The following SPON1 variants were observed in gnomAD, a reference collection of about 807,000 sequenced individuals.
The protein encoded by SPON1 is spondin 1.
SPON1 carries 52 observed loss-of-function variants against 111.7 expected under a neutral mutation model. The ratio of observed to expected loss-of-function variants is 0.47; its 90% CI spans 0.37 to 0.59. The LOEUF (loss-of-function observed/expected upper bound fraction) is 0.59. Ranked by LOEUF, SPON1 falls within the 20% of genes least tolerant of loss-of-function variation. The probability of loss-of-function intolerance (pLI) is 0.00; values close to 1 mark genes in which losing one functional copy is unlikely to be tolerated. For missense variants in SPON1, 957 were observed against 1,068.5 expected (o/e 0.90, Z 1.46); for synonymous variants, 410 against 395.8 (o/e 1.04, Z -0.43).
chr11:14,259,510 C>T lies in SPON1; in HGVS notation c.1664-24C>T. Reference sequence around the variant, plus strand: ...TAGGTCGGGGAGGCAGCAGGTGCGACTCCAATGCCGCTGGCCTCCCCAGCT... The same window carrying T: ...TAGGTCGGGGAGGCAGCAGGTGCGATTCCAATGCCGCTGGCCTCCCCAGCT... On this transcript the variant is annotated intron_variant, in intron 12 of 15. Transcript: ENST00000576479. This position sits in a 1 kb window ranked among gnomAD's most constrained non-coding sequence, Gnocchi z 5.0. 1.9e-6 allele frequency: 3 copies of T among 1,563,530 alleles called. No individual in the cohort carries two copies. Among genetic ancestry groups the T allele is most frequent in the Non-Finnish European group, 2.6e-6 (3 of 1,154,382 alleles).
At chr11:14,187,576 A>G (rs1255740623) in intron 6 of SPON1, among the ~76,000 whole-genome samples, 1 of 152,160 alleles carries the variant, frequency 6.6e-6, no homozygotes, top group Non-Finnish European at 1.5e-5. Context: ...TTCTCAGTGC[A>G]GCAGTTAGTT....
At chr11:14,198,650 T>C (rs981050878) in intron 6 of SPON1, among the ~76,000 whole-genome samples, 2 of 152,210 alleles carry the variant, frequency 1.3e-5, no homozygotes, top group East Asian at 1.9e-4. Flanking sequence ...ACAATCCCAC[T>C]CATTCAGGGC....
chr11:14,006,960 G>C (rs897428019), intron 2 of SPON1, among the ~76,000 whole-genome samples: 2 of 151,896 alleles, frequency 1.3e-5, no homozygotes, highest in Non-Finnish European at 2.9e-5. Context: ...CATCTCACTG[G>C]GCCAAAATTA....
chr11:14,242,041 C>T (rs181133150), intron 6 of SPON1, among the ~76,000 whole-genome samples: 51 of 152,200 alleles, frequency 3.4e-4, no homozygotes, highest in Admixed American at 2.5e-3. Flanking sequence ...GCCCAGACCA[C>T]GCTGGGTCTG....
At chr11:14,011,828 G>T (rs1848407399) in intron 2 of SPON1, among the ~76,000 whole-genome samples, 1 of 152,152 alleles carries the variant, frequency 6.6e-6, no homozygotes, top group South Asian at 2.1e-4. Flanking sequence ...GAACCCTAAA[G>T]AACAAGAAAG....
At chr11:14,060,612 T>A (rs1173620385) in intron 3 of SPON1, among the ~76,000 whole-genome samples, 1 of 152,228 alleles carries the variant, frequency 6.6e-6, no homozygotes, top group African/African-American at 2.4e-5. Flanking sequence ...AAAACTTACC[T>A]GTCCTTTGGC....
At chr11:14,052,682 G>A (rs1848716815) in intron 3 of SPON1, among the ~76,000 whole-genome samples, 1 of 152,190 alleles carries the variant, frequency 6.6e-6, no homozygotes, top group South Asian at 2.1e-4. Context: ...CCATCCAACA[G>A]GTGGAATCCA....
At chr11:14,057,577 C>T (rs187315669) in intron 3 of SPON1, among the ~76,000 whole-genome samples, 14 of 152,074 alleles carry the variant, frequency 9.2e-5, no homozygotes, top group Admixed American at 3.3e-4. Context: ...GCAAGAATTA[C>T]ACAAAAAAAG....
rs1848785753 is a variant in SPON1 at position 14,230,414 on chromosome 11, TTGG to T, written c.826-12915_826-12913del. 2.6e-5 allele frequency among the ~76,000 whole-genome samples: 4 copies of T among 152,324 alleles called. 1 individual carries two copies. In the South Asian group the frequency reaches 6.2e-4, roughly 24 times the overall value. On this transcript the variant is annotated intron_variant, in intron 6 of 15. Transcript: ENST00000576479. ...AAAGAAAGAGAAGGAGAAGGAGATATTGGTGTGTGGATGAATTCTCATTTCTTT... is the reference window on the plus strand; with the variant it reads ...AAAGAAAGAGAAGGAGAAGGAGATATTGTGTGGATGAATTCTCATTTCTTT...
At chr11:14,258,643 G>A (rs1204050244) in intron 11 of SPON1, among the ~76,000 whole-genome samples, 2 of 152,240 alleles carry the variant, frequency 1.3e-5, no homozygotes, top group Non-Finnish European at 2.9e-5. Flanking sequence ...AAGAAAGCAA[G>A]CTTATCCCAT....
chr11:13,969,791 G>T (rs947787497), intron 1 of SPON1, among the ~76,000 whole-genome samples: 2 of 152,208 alleles, frequency 1.3e-5, no homozygotes, highest in African/African-American at 4.8e-5. Flanking sequence ...TCCTGTAAGT[G>T]AGGAATAGAA....
At chr11:14,209,267 AT>A (rs1242544075) in intron 6 of SPON1, among the ~76,000 whole-genome samples, 3 of 152,032 alleles carry the variant, frequency 2.0e-5, no homozygotes, top group Non-Finnish European at 4.4e-5. Context: ...AAGAAAAATA[AT>A]TTTTTTATTA....
At chr11:14,119,802 A>G (rs1303541773) in intron 5 of SPON1, among the ~76,000 whole-genome samples, 2 of 152,170 alleles carry the variant, frequency 1.3e-5, no homozygotes, top group African/African-American at 4.8e-5. Flanking sequence ...CTACCTGCAC[A>G]GTTGGTTCTT....
At chr11:14,075,227 G>C (rs1281807187) in intron 3 of SPON1, 118 bp from the exon 4 acceptor site, 8 of 693,316 alleles carry the variant, frequency 1.2e-5, no homozygotes, top group South Asian at 1.7e-5. Context: ...TGAAGACAGA[G>C]AGAGTTGGGG....
chr11:14,253,095 A>T (rs1158401888), intron 7 of SPON1, among the ~76,000 whole-genome samples: 1 of 152,186 alleles, frequency 6.6e-6, no homozygotes, highest in East Asian at 1.9e-4. Context: ...GTGTGGGATA[A>T]GGGAGGGGGT....
chr11:14,163,089 A>T lies in SPON1; in HGVS notation c.825+27521A>T, dbSNP rs145690578. Among the ~76,000 whole-genome samples, 346 of 152,312 alleles carry T rather than the reference A, an allele frequency of 2.3e-3. 1 individual carries two copies. The highest frequency in any genetic ancestry group is 7.5e-3 in the African/African-American group (313 of 41,570). On this transcript the variant is annotated intron_variant, in intron 6 of 15. Transcript: ENST00000576479. Reference sequence around the variant, plus strand: ...TGGCATGATTTCAGAATGATTGGAGATAGCTTCTTCCAATCTAAATATCAC... The same window carrying T: ...TGGCATGATTTCAGAATGATTGGAGTTAGCTTCTTCCAATCTAAATATCAC...
At chr11:14,106,749 C>T (rs1207134661) in intron 5 of SPON1, among the ~76,000 whole-genome samples, 1 of 152,170 alleles carries the variant, frequency 6.6e-6, no homozygotes, top group Non-Finnish European at 1.5e-5. Flanking sequence ...GGTAGCCCTG[C>T]AGTAAAGCTG....
At chr11:14,263,181 C>A in intron 15 of SPON1, 1 of 554,122 alleles carries the variant, frequency 1.8e-6, no homozygotes, top group Non-Finnish European at 3.1e-6. Flanking sequence ...AGGAGATTGG[C>A]GGTGGGGGTC....
At chr11:14,039,871 T>C (rs548430402) in intron 2 of SPON1, among the ~76,000 whole-genome samples, 56 of 152,172 alleles carry the variant, frequency 3.7e-4, no homozygotes, top group African/African-American at 1.3e-3. Context: ...AAAAAGACAA[T>C]AGAATCCACT....
Sources: gnomAD v4.1 joint callset for allele counts (sites outside exome capture counted in the v4.1 genomes callset) on GRCh38, gnomAD v4.1.1 for gene constraint, Gnocchi (gnomAD v3.1) non-coding constraint, MANE v1.5 for transcripts, NCBI Gene and HGNC (gene_info 2026-07-23, HGNC 2026-07-21) for gene names.